Variants in TTLL11 observed in about 807,000 individuals in gnomAD.
TTLL11 encodes tubulin tyrosine ligase like 11, also known as tubulin polyglutamylase TTLL11.
Under a neutral mutation model 51.7 loss-of-function variants are expected in TTLL11, and 42 were observed. The ratio of observed to expected loss-of-function variants is 0.81; its 90% CI spans 0.64 to 1.05. The LOEUF (loss-of-function observed/expected upper bound fraction) is 1.05. TTLL11 is among the 50% of genes least tolerant of loss of function. The pLI is 0.00. For missense variants in TTLL11, 799 were observed against 940.4 expected, an observed-to-expected ratio of 0.85 and a Z score of 1.97; for synonymous variants, 381 against 383.5, an observed-to-expected ratio of 0.99 and a Z score of 0.08.
rs141243386 is a variant in TTLL11 at position 121,957,424 on chromosome 9, G to T, written c.1481+16585C>A. On this transcript the variant is annotated intron_variant, in intron 6 of 8. Transcript: ENST00000321582. ...CTCTGCTTCCCTGGCTTTGTACCCC[G>T]CTCTGAGCCTGTCACTGAGACTCCA... is the stretch of plus-strand genomic sequence containing the variant. Among the ~76,000 whole-genome samples, 249 of 152,146 alleles carry T rather than the reference G, an allele frequency of 1.6e-3. 1 individual carries two copies. The highest frequency in any genetic ancestry group is 5.7e-3 in the African/African-American group (235 of 41,506).
In TTLL11 at chr9:121,901,032, C is replaced by A. The variant is rs149186943; in HGVS notation, c.1482-30284G>T. On this transcript the variant is annotated intron_variant, in intron 6 of 8. Coordinates refer to ENST00000321582, the MANE Select transcript of TTLL11 (RefSeq NM_001139442.2). The stretch of plus-strand genomic sequence containing the variant: ...TCAAGAGATCCTCCCACCTTAGCCT[C>A]CCAAAGTGCTGGGATTACAGGAGTG... Among the ~76,000 whole-genome samples the A allele has an allele frequency of 6.8e-4, 103 of 152,290 alleles. 1 individual carries two copies. The highest frequency in any genetic ancestry group is 3.4e-3 in the Middle Eastern group (1 of 294).
intron 6 of TTLL11, among the ~76,000 whole-genome samples, chr9:121,874,233 G>T (rs897168649): frequency 4.6e-5 from 7 of 152,048 alleles, no homozygotes; most frequent in African/African-American, 1.7e-4. Flanking sequence ...GAACTCAAGC[G>T]ATCCTCCTGC....
At chr9:122,005,735 G>A (rs1403013615) in intron 3 of TTLL11, among the ~76,000 whole-genome samples, 1 of 152,208 alleles carries the variant, frequency 6.6e-6, no homozygotes, top group East Asian at 1.9e-4. Flanking sequence ...AAGGAAGAGA[G>A]ATGAAAATCC....
intron 6 of TTLL11, among the ~76,000 whole-genome samples, chr9:121,936,178 G>C (rs1194630877): frequency 6.6e-6 from 1 of 152,020 alleles, no homozygotes; most frequent in Non-Finnish European, 1.5e-5. Flanking sequence ...CCAGTTCTTA[G>C]GACAAGCTGA....
chr9:122,023,583 G>A (rs572540334), intron 3 of TTLL11, among the ~76,000 whole-genome samples: 1 of 151,648 alleles, frequency 6.6e-6, no homozygotes, highest in Non-Finnish European at 1.5e-5. Flanking sequence ...ATATAAAAAG[G>A]ATAATATGTT....
chr9:122,021,283 CCT>C (rs1444418184), intron 3 of TTLL11, among the ~76,000 whole-genome samples: 1 of 152,012 alleles, frequency 6.6e-6, no homozygotes, highest in Non-Finnish European at 1.5e-5. Context: ...CAGTGGACGC[CCT>C]GAGTTGAGAA....
At chr9:121,979,484 T>C (rs184073936) in intron 4 of TTLL11, among the ~76,000 whole-genome samples, 14 of 152,334 alleles carry the variant, frequency 9.2e-5, no homozygotes, top group Admixed American at 5.9e-4. Context: ...AAAATCTCCT[T>C]TGTTTTCTGT....
chr9:121,981,131 A>T (rs1842817815), intron 4 of TTLL11, among the ~76,000 whole-genome samples: 1 of 133,628 alleles, frequency 7.5e-6, no homozygotes. Flanking sequence ...TTATTTCTTC[A>T]AAAGTTTTTT....
At position 121,820,101 on chromosome 9, in the gene TTLL11, G is replaced by T. The variant is rs1421090137; in HGVS notation, c.*2486C>A. On this transcript the variant is annotated 3_prime_UTR_variant, in exon 9 of 9. Transcript: ENST00000321582. ...CGGGACAGAGGGGCCATGGTGGGCG[G>T]AGCAGCCCGCCTCCAGATGATGGCA... Among the ~76,000 whole-genome samples, 1 of 152,234 alleles carries T rather than the reference G, an allele frequency of 6.6e-6. No homozygotes were observed. The highest frequency in any genetic ancestry group is 1.9e-4 in the East Asian group (1 of 5,186).
At chr9:121,962,488 C>T (rs934520831) in intron 6 of TTLL11, among the ~76,000 whole-genome samples, 2 of 152,198 alleles carry the variant, frequency 1.3e-5, no homozygotes, top group Non-Finnish European at 2.9e-5. Flanking sequence ...GCCCCACCTT[C>T]TTTATGTTCT....
chr9:121,826,217 T>TATACACACACAC lies in TTLL11; in HGVS notation c.1841-3339_1841-3338insGTGTGTGTGTAT, dbSNP rs1491163835. On this transcript the variant is annotated intron_variant, in intron 8 of 8. Coordinates refer to ENST00000321582, the MANE Select transcript of TTLL11 (RefSeq NM_001139442.2). ...ATATATATATATATATATATATATA[T>TATACACACACAC]GCACACATATATATATACACGCACA... Among the ~76,000 whole-genome samples, 13 of 58,102 alleles carry TATACACACACAC rather than the reference T, an allele frequency of 2.2e-4. 2 individuals carry two copies. Among genetic ancestry groups the TATACACACACAC allele is most frequent in the African/African-American group, 8.9e-4 (12 of 13,474 alleles). 38.1% of individuals were successfully genotyped at this position (58,102 alleles called of 152,430 possible).
At chr9:122,042,982 G>T (rs1184442821) in intron 1 of TTLL11, among the ~76,000 whole-genome samples, 1 of 152,132 alleles carries the variant, frequency 6.6e-6, no homozygotes, top group African/African-American at 2.4e-5. Context: ...TTAGAGCAGT[G>T]AAAATACTCT....
intron 1 of TTLL11, among the ~76,000 whole-genome samples, chr9:122,055,605 C>G (rs1027445752): frequency 6.6e-6 from 1 of 152,190 alleles, no homozygotes; most frequent in Non-Finnish European, 1.5e-5. Context: ...TCAGTCCAAT[C>G]AAGTTGACAC....
intron 1 of TTLL11, among the ~76,000 whole-genome samples, chr9:122,086,459 A>T (rs1001945049): frequency 2.0e-5 from 3 of 152,164 alleles, no homozygotes; most frequent in Non-Finnish European, 2.9e-5. Context: ...ATGGGCAGTA[A>T]GTTGCAATGG....
At chr9:121,929,891 G>A (rs944107320) in intron 6 of TTLL11, among the ~76,000 whole-genome samples, 4 of 152,166 alleles carry the variant, frequency 2.6e-5, no homozygotes, top group Non-Finnish European at 4.4e-5. Context: ...TTTGATGTTC[G>A]GAAGGAAGAA....
In TTLL11 at chr9:121,860,218, T is replaced by C. The variant is rs190827412; in HGVS notation, c.1840+119A>G. 6.4e-4 allele frequency: 465 copies of C among 731,602 alleles called. 7 individuals are homozygous for C. In the African/African-American group the frequency reaches 7.4e-3, roughly 12 times the overall value. The allele number at this position is 731,602 out of a possible 1,614,324, so 45.3% of individuals were successfully genotyped here. On this transcript the variant is annotated intron_variant, in intron 8 of 8. Coordinates refer to ENST00000321582, the MANE Select transcript of TTLL11 (RefSeq NM_001139442.2). ...TCAGCTCAATCCCTGGGATTATGTC[T>C]AGATCTGATGGCATCATCTTCTTCC...
intron 6 of TTLL11, among the ~76,000 whole-genome samples, chr9:121,936,620 T>C (rs1460379720): frequency 6.6e-6 from 1 of 152,172 alleles, no homozygotes; most frequent in Non-Finnish European, 1.5e-5. Flanking sequence ...TATACAGGTA[T>C]AACTGGAAGG....
chr9:122,063,632 AT>A (rs1194578366), intron 1 of TTLL11, among the ~76,000 whole-genome samples: 2 of 152,234 alleles, frequency 1.3e-5, no homozygotes, highest in African/African-American at 4.8e-5. Flanking sequence ...CTTAAAGGCA[AT>A]TTTAACTTCT....
In TTLL11 at chr9:121,975,322, G is replaced by C. The variant is rs904063612; in HGVS notation, c.1270-343C>G. On this transcript the variant is annotated intron_variant, in intron 4 of 8. Coordinates refer to ENST00000321582, the MANE Select transcript of TTLL11 (RefSeq NM_001139442.2). Reference sequence around the variant, plus strand: ...TCCCTCTGCCTTTTCTTCTGCTCTCGTTTACTAAGTGGCTTCTTAGCTAGC... The same window carrying C: ...TCCCTCTGCCTTTTCTTCTGCTCTCCTTTACTAAGTGGCTTCTTAGCTAGC... 4.6e-5 allele frequency among the ~76,000 whole-genome samples: 7 copies of C among 152,220 alleles called. No individual in the cohort carries two copies. In the East Asian group the frequency reaches 1.4e-3, roughly 29 times the overall value.
Sources: gnomAD v4.1 joint callset for allele counts (sites outside exome capture counted in the v4.1 genomes callset) on GRCh38, gnomAD v4.1.1 for gene constraint, MANE v1.5 for transcripts, NCBI Gene and HGNC (gene_info 2026-07-23, HGNC 2026-07-21) for gene names.